CCDC85A: variants seen among roughly 807,000 people sequenced by gnomAD.
CCDC85A encodes the protein coiled-coil domain-containing protein 85A.
CCDC85A carries 38 observed loss-of-function variants against 50.2 expected under a neutral mutation model. That is an observed-to-expected ratio of 0.76 (90% CI 0.58 to 0.99). CCDC85A has a LOEUF of 0.99. Among genes scored for constraint, CCDC85A ranks in the 50% least tolerant of loss-of-function variants. The pLI, the probability that CCDC85A is intolerant of heterozygous loss-of-function variation, is 0.00. For synonymous variants in CCDC85A, 366 were observed against 301.4 expected, an observed-to-expected ratio of 1.21 and a Z score of -2.22; for missense variants, 820 against 742.0, an observed-to-expected ratio of 1.11 and a Z score of -1.22.
At chr2:56,243,120 G>T (rs945865730) in intron 2 of CCDC85A, among the ~76,000 whole-genome samples, 3 of 151,388 alleles carry the variant, frequency 2.0e-5, no homozygotes, top group African/African-American at 7.3e-5. Context: ...ATCTTCTTTG[G>T]GTTAAATCTG....
rs549993105 is a variant in CCDC85A, at chr2:56,227,656, G to T, written c.1240+34216G>T. Among the ~76,000 whole-genome samples, 41 of 151,968 alleles carry T rather than the reference G, an allele frequency of 2.7e-4. 1 individual carries two copies. In the South Asian group the frequency reaches 8.1e-3, roughly 30 times the overall value. ...TGAAATATTATAGCCCACAAACCCT[G>T]TTTCTCCAGGAAGCCTTCCTGGAAT... is the stretch of plus-strand genomic sequence containing the variant. On this transcript the variant is annotated intron_variant, in intron 2 of 5. Coordinates refer to ENST00000407595, the MANE Select transcript of CCDC85A (RefSeq NM_001080433.2).
At position 56,370,688 on chromosome 2, in the gene CCDC85A, C is replaced by T. The variant is rs956266481; in HGVS notation, c.1318-1656C>T. On this transcript the variant is annotated intron_variant, in intron 3 of 5. Coordinates refer to ENST00000407595, the MANE Select transcript of CCDC85A (RefSeq NM_001080433.2). ...AGTTCTCTACATAGTAGCTAAATGG[C>T]GCTCATGCCAGCTGGCTTCTAAGTT... Among the ~76,000 whole-genome samples, 6 of 152,000 alleles carry T rather than the reference C, an allele frequency of 3.9e-5. No homozygotes were observed. The East Asian group carries it at 7.7e-4, about 20-fold the overall frequency.
chr2:56,354,721 A>G (rs1185863426), intron 3 of CCDC85A, among the ~76,000 whole-genome samples: 3 of 152,250 alleles, frequency 2.0e-5, no homozygotes, highest in Non-Finnish European at 4.4e-5. Context: ...AGCAGGATGA[A>G]GAAAGAGCAT....
At chr2:56,318,868 C>G (rs1673033897) in intron 2 of CCDC85A, among the ~76,000 whole-genome samples, 1 of 152,100 alleles carries the variant, frequency 6.6e-6, no homozygotes, top group Admixed American at 6.6e-5. Context: ...ACTGCTCTTT[C>G]TTGCTGGTGT....
At chr2:56,314,552 A>G (rs1672835468) in intron 2 of CCDC85A, among the ~76,000 whole-genome samples, 1 of 152,142 alleles carries the variant, frequency 6.6e-6, no homozygotes, top group Non-Finnish European at 1.5e-5. Flanking sequence ...GCTCATTATT[A>G]TCTTAAAATA....
intron 2 of CCDC85A, among the ~76,000 whole-genome samples, chr2:56,281,008 G>A (rs1333095987): frequency 6.6e-6 from 1 of 152,042 alleles, no homozygotes; most frequent in Non-Finnish European, 1.5e-5. Context: ...ATGAGTTTTG[G>A]CCAAGAGTAT....
rs571321698 is a variant in CCDC85A, at chr2:56,210,096, G to C, written c.1240+16656G>C. 6.6e-5 allele frequency among the ~76,000 whole-genome samples: 10 copies of C among 152,172 alleles called. No homozygotes were observed. In the South Asian group the frequency reaches 1.2e-3, roughly 19 times the overall value. ...CAACAACAAAAGCCTGTGTGGTGCA[G>C]AGTAGTAATGGCTAGGTGGTCTGAA... is the stretch of plus-strand genomic sequence containing the variant. On this transcript the variant is annotated intron_variant, in intron 2 of 5. Transcript: ENST00000407595.
chr2:56,195,871 A>C (rs999477058), intron 2 of CCDC85A, among the ~76,000 whole-genome samples: 1 of 152,166 alleles, frequency 6.6e-6, no homozygotes, highest in South Asian at 2.1e-4. Context: ...GTGTGTGTGC[A>C]TTATGGCAGA....
chr2:56,251,117 C>T (rs1485578950), intron 2 of CCDC85A, among the ~76,000 whole-genome samples: 2 of 152,144 alleles, frequency 1.3e-5, no homozygotes, highest in Non-Finnish European at 2.9e-5. Context: ...AGAGGTATCT[C>T]CTGGGATCTA....
At chr2:56,231,846 C>T (rs750896433) in intron 2 of CCDC85A, among the ~76,000 whole-genome samples, 25 of 152,046 alleles carry the variant, frequency 1.6e-4, no homozygotes, top group Non-Finnish European at 3.1e-4. Flanking sequence ...CTCTTCAGTT[C>T]CCCCTACTTT....
chr2:56,184,134 C>T lies in CCDC85A; in HGVS notation c.-491C>T. 2.0e-6 allele frequency: 2 copies of T among 985,632 alleles called. No individual in the cohort carries two copies. The highest frequency in any genetic ancestry group is 2.4e-6 in the Non-Finnish European group (2 of 830,210). 61.1% of individuals were successfully genotyped at this position (985,632 alleles called of 1,614,324 possible). The stretch of plus-strand genomic sequence containing the variant: ...GAGCAGCCGGGGAGGCGCCGCGGTG[C>T]CCGGCGCGCCCTCCAAGCTAGGAGA... On this transcript the variant is annotated 5_prime_UTR_variant, in exon 1 of 6. Transcript: ENST00000407595.
At chr2:56,351,409 T>A (rs1674931875) in intron 3 of CCDC85A, among the ~76,000 whole-genome samples, 1 of 146,844 alleles carries the variant, frequency 6.8e-6, no homozygotes, top group Non-Finnish European at 1.5e-5. Flanking sequence ...CAGTTCTAGA[T>A]CCCTGAGGAA....
intron 2 of CCDC85A, among the ~76,000 whole-genome samples, chr2:56,221,434 G>GAGAT (rs1668324370): frequency 6.6e-6 from 1 of 151,844 alleles, no homozygotes; most frequent in South Asian, 2.1e-4. Context: ...CAGCTAGAAG[G>GAGAT]AGATACTCTC....
chr2:56,347,468 A>G (rs764494086), intron 3 of CCDC85A, among the ~76,000 whole-genome samples: 24 of 152,234 alleles, frequency 1.6e-4, no homozygotes, highest in Admixed American at 5.9e-4. Context: ...CTGCTTAGCC[A>G]TCTGAGATTT....
intron 2 of CCDC85A, among the ~76,000 whole-genome samples, chr2:56,303,903 A>G (rs527924110): frequency 3.3e-5 from 5 of 152,296 alleles, no homozygotes; most frequent in African/African-American, 4.8e-5. Flanking sequence ...AACGGTCTGC[A>G]TGAGCATTTT....
intron 2 of CCDC85A, among the ~76,000 whole-genome samples, chr2:56,267,624 T>C (rs1023091131): frequency 2.0e-5 from 3 of 152,142 alleles, no homozygotes; most frequent in Non-Finnish European, 2.9e-5. Context: ...TTGAGAAGGT[T>C]TACTGAGTAC....
At position 56,384,567 on chromosome 2, in the gene CCDC85A, A is replaced by G. The variant is rs1364001412; in HGVS notation, c.*212A>G. ...CTCACCTCAATGTCCACAACAGTCAATCTCAAACAAGGTAGCTTTGAACAT... is the reference window on the plus strand; with the variant it reads ...CTCACCTCAATGTCCACAACAGTCAGTCTCAAACAAGGTAGCTTTGAACAT... On this transcript the variant is annotated 3_prime_UTR_variant, in exon 6 of 6. Transcript: ENST00000407595. 91 of 479,630 alleles carry G rather than the reference A, an allele frequency of 1.9e-4. No individual in the cohort carries two copies. The highest frequency in any genetic ancestry group is 1.3e-4 in the Non-Finnish European group (35 of 265,118). 29.7% of individuals were successfully genotyped at this position (479,630 alleles called of 1,614,324 possible).
At chr2:56,250,106 G>A (rs1669689765) in intron 2 of CCDC85A, among the ~76,000 whole-genome samples, 2 of 152,164 alleles carry the variant, frequency 1.3e-5, no homozygotes, top group South Asian at 4.1e-4. Context: ...CAAGGACTGT[G>A]AGGTTATTGT....
chr2:56,302,150 G>C (rs1242028787), intron 2 of CCDC85A, among the ~76,000 whole-genome samples: 2 of 152,050 alleles, frequency 1.3e-5, no homozygotes, highest in Non-Finnish European at 2.9e-5. Flanking sequence ...CAGCTAATCG[G>C]GAGGCTGAGG....
Sources: allele counts gnomAD v4.1 joint callset (sites outside exome capture counted in the v4.1 genomes callset), GRCh38; gene constraint gnomAD v4.1.1; transcripts MANE v1.5; gene names NCBI Gene and HGNC (gene_info 2026-07-23, HGNC 2026-07-21).